DMD: variants seen among roughly 807,000 people sequenced by gnomAD.
DMD encodes the protein dystrophin.
In DMD, 63 loss-of-function variants were observed where a neutral mutation model predicts 330.1. The observed-to-expected ratio is 0.19, with a 90% CI of 0.16 to 0.24. The LOEUF (loss-of-function observed/expected upper bound fraction) is 0.24, where lower values mean the gene tolerates loss of function less well. DMD is among the 10% of genes least tolerant of loss of function. DMD has a pLI of 1.00. For missense variants in DMD, 3,344 were observed against 2,684.1 expected, an observed-to-expected ratio of 1.25 and a Z score of -5.43; for synonymous variants, 1,223 against 959.8, an observed-to-expected ratio of 1.27 and a Z score of -5.07.
intron 44 of DMD, among the ~76,000 whole-genome samples, chrX:32,028,952 G>A (rs183191961): frequency 1.3e-4 from 14 of 111,493 alleles, no homozygotes; most frequent in African/African-American, 4.5e-4. Context: ...TTGCCAAAAA[G>A]CTAAAATTGT....
intron 44 of DMD, among the ~76,000 whole-genome samples, chrX:32,215,571 A>AT (rs1186940427): frequency 9.0e-6 from 1 of 111,632 alleles, no homozygotes; most frequent in African/African-American, 3.2e-5. Context: ...ATGTTACTTG[A>AT]TTTTTTTCAC....
At chrX:31,510,570 C>G (rs763723225) in intron 55 of DMD, among the ~76,000 whole-genome samples, 10 of 101,512 alleles carry the variant, frequency 9.9e-5, no homozygotes, top group Admixed American at 8.8e-4. Flanking sequence ...CACAGTGGCG[C>G]GATCTTGGCT....
At chrX:32,938,098 C>G (rs1602065365) in intron 2 of DMD, among the ~76,000 whole-genome samples, 1 of 111,139 alleles carries the variant, frequency 9.0e-6, no homozygotes, top group South Asian at 3.8e-4. Context: ...AACACTCCAC[C>G]AATGTGTAGC....
intron 6 of DMD, among the ~76,000 whole-genome samples, chrX:32,811,441 T>A (rs2077363165): frequency 8.9e-6 from 1 of 112,041 alleles, no homozygotes; most frequent in Admixed American, 9.5e-5. Context: ...TAACACTTAC[T>A]ATTTAACGTA....
chrX:32,427,481 G>A (rs1454314894), intron 29 of DMD, among the ~76,000 whole-genome samples: 2 of 110,994 alleles, frequency 1.8e-5, no homozygotes, highest in Non-Finnish European at 3.8e-5. Flanking sequence ...AAAGGAAAGG[G>A]AGAACATTAA....
rs529142770 is a variant in DMD at position 33,093,748 on chromosome X, C to A, written c.32-73548G>T. Among the ~76,000 whole-genome samples the A allele has an allele frequency of 4.8e-4, 53 of 111,192 alleles. No homozygotes were observed. The South Asian group carries it at 0.018, about 37-fold the overall frequency. On this transcript the variant is annotated intron_variant, in intron 1 of 78. Coordinates refer to ENST00000357033, the MANE Select transcript of DMD (RefSeq NM_004006.3). ...CAGGAAAAAATTATCTAGAACCAAA[C>A]TTTTATTGCATGTTGGCTATGGAAA...
intron 1 of DMD, among the ~76,000 whole-genome samples, chrX:33,098,840 C>T (rs2095205595): frequency 9.0e-6 from 1 of 111,701 alleles, no homozygotes; most frequent in Non-Finnish European, 1.9e-5. Context: ...CAGGACCACA[C>T]ATTCTGTATT....
At chrX:32,033,646 A>AAAGAAAG (rs1178013452) in intron 44 of DMD, among the ~76,000 whole-genome samples, 1 of 33,752 alleles carries the variant, frequency 3.0e-5, no homozygotes, top group Non-Finnish European at 5.0e-5. Flanking sequence ...AGAAAGAAAG[A>AAAGAAAG]AAGAAAGAAG....
intron 9 of DMD, among the ~76,000 whole-genome samples, chrX:32,651,670 G>A (rs1005413924): frequency 1.8e-5 from 2 of 111,404 alleles, no homozygotes; most frequent in Non-Finnish European, 3.8e-5. Context: ...CCAGATGGTA[G>A]TACAGACCCG....
At chrX:31,845,089 T>C (rs1255303252) in intron 48 of DMD, among the ~76,000 whole-genome samples, 1 of 109,586 alleles carries the variant, frequency 9.1e-6, no homozygotes, top group Non-Finnish European at 1.9e-5. Flanking sequence ...TATATATGTA[T>C]ATGTATGCTA....
At chrX:32,020,262 C>T (rs1298959340) in intron 44 of DMD, among the ~76,000 whole-genome samples, 2 of 112,428 alleles carry the variant, frequency 1.8e-5, no homozygotes, top group Admixed American at 1.9e-4. Context: ...CTGGGCCGGC[C>T]CAACAAATTT....
chrX:32,235,471 G>T (rs1454404157), intron 43 of DMD, among the ~76,000 whole-genome samples: 2 of 111,219 alleles, frequency 1.8e-5, no homozygotes, highest in East Asian at 5.7e-4. Context: ...CAACGGATTG[G>T]TACGGGTCTG....
chrX:31,370,015 C>T (rs757715670), intron 60 of DMD, among the ~76,000 whole-genome samples: 3 of 105,063 alleles, frequency 2.9e-5, no homozygotes, highest in East Asian at 6.0e-4. Flanking sequence ...AGGAGAATGG[C>T]GTGAACCCGG....
intron 48 of DMD, among the ~76,000 whole-genome samples, chrX:31,846,461 A>T (rs2093428734): frequency 9.7e-6 from 1 of 103,273 alleles, no homozygotes; most frequent in African/African-American, 3.6e-5. Flanking sequence ...ACACACACAC[A>T]CACACACACA....
chrX:31,451,276 T>C (rs1237202505), intron 59 of DMD, among the ~76,000 whole-genome samples: 6 of 64,759 alleles, frequency 9.3e-5, no homozygotes, highest in Admixed American at 2.6e-4. Flanking sequence ...CCTTCCTTTC[T>C]TTCCTTTTTT....
intron 62 of DMD, chrX:31,266,789 C>A (rs777419114): frequency 8.4e-7 from 1 of 1,189,386 alleles, no homozygotes; most frequent in Non-Finnish European, 1.1e-6. Flanking sequence ...TCAGACGGGG[C>A]CGGGGCCGCG....
intron 7 of DMD, among the ~76,000 whole-genome samples, chrX:32,785,879 A>G (rs1327401230): frequency 1.8e-5 from 2 of 110,849 alleles, no homozygotes; most frequent in East Asian, 5.6e-4. Context: ...GTCTTTTAAA[A>G]CCTAGTTACT....
intron 9 of DMD, among the ~76,000 whole-genome samples, chrX:32,688,781 G>C (rs1176072658): frequency 9.0e-6 from 1 of 111,496 alleles, no homozygotes; most frequent in Non-Finnish European, 1.9e-5. Flanking sequence ...TCTTCGAAAA[G>C]TTTAACACCA....
In DMD at chrX:31,570,495, G is replaced by T. The variant is rs1001121343; in HGVS notation, c.8217+57178C>A. ...TTAAACTCTACATCCCAGGAAAGGA[G>T]TATCTATGTATATTATTAAGAATTG... On this transcript the variant is annotated intron_variant, in intron 55 of 78. Coordinates refer to ENST00000357033, the MANE Select transcript of DMD (RefSeq NM_004006.3). Among the ~76,000 whole-genome samples the T allele has an allele frequency of 4.5e-5, 5 of 110,986 alleles. No individual in the cohort carries two copies. The East Asian group carries it at 1.1e-3, about 25-fold the overall frequency.
Sources: gnomAD v4.1 joint callset for allele counts (sites outside exome capture counted in the v4.1 genomes callset) on GRCh38, gnomAD v4.1.1 for gene constraint, MANE v1.5 for transcripts, NCBI Gene and HGNC (gene_info 2026-07-23, HGNC 2026-07-21) for gene names.